The following DDB1 variants were observed in gnomAD, a reference collection of about 807,000 sequenced individuals.
DDB1 encodes damage specific DNA binding protein 1.
In DDB1, 18 loss-of-function variants were observed where a neutral mutation model predicts 133.1. The ratio of observed to expected loss-of-function variants is 0.14; its 90% confidence interval spans 0.09 to 0.20. The LOEUF is 0.20. Ranked by LOEUF, DDB1 falls within the 10% of genes least tolerant of loss-of-function variation. The probability of loss-of-function intolerance (pLI) is 1.00; values close to 1 mark genes in which losing one functional copy is unlikely to be tolerated. For missense variants in DDB1, 828 were observed against 1,459.2 expected (o/e 0.57, Z 7.05); for synonymous variants, 580 against 550.5 (o/e 1.05, Z -0.75).
Position 61,303,034 on chromosome 11 carries a change from G to A in DDB1, c.2942+12C>T. 6.2e-7 allele frequency: 1 copy of A among 1,611,306 alleles called. No individual in the cohort carries two copies. Among genetic ancestry groups the A allele is most frequent in the East Asian group, 2.2e-5 (1 of 44,864 alleles). On this transcript the variant is annotated intron_variant, in intron 23 of 26. Coordinates refer to ENST00000301764, the MANE Select transcript of DDB1 (RefSeq NM_001923.5). ...GCCCTCCCCACCACTCCCAGAGCTG[G>A]CCACTACTCACCTATCCTTTTGACA...
intron 10 of DDB1, among the ~76,000 whole-genome samples, chr11:61,320,767 G>C (rs1856165262): frequency 6.6e-6 from 1 of 152,132 alleles, no homozygotes; most frequent in South Asian, 2.1e-4. Context: ...ATCTGATTAT[G>C]CTGTCCTCAA....
At chr11:61,303,474 G>A in intron 22 of DDB1, 1 of 318,154 alleles carries the variant, frequency 3.1e-6, no homozygotes, top group South Asian at 3.3e-5. Flanking sequence ...CGATTATGAG[G>A]TCAGGAGATC....
At chr11:61,326,675 A>C in intron 5 of DDB1, 104 bp downstream of exon 5, 1 of 876,396 alleles carries the variant, frequency 1.1e-6, no homozygotes, top group East Asian at 2.4e-5. Flanking sequence ...ACCTTCAATA[A>C]TACCGAGCGC....
At position 61,303,854 on chromosome 11, in the gene DDB1, A is replaced by G. The variant is rs1486642841; in HGVS notation, c.2832+11T>C. The G allele has an allele frequency of 3.1e-6, 5 of 1,613,278 alleles. No homozygotes were observed. In the Admixed American group the frequency reaches 8.3e-5, roughly 27 times the overall value. On this transcript the variant is annotated intron_variant, in intron 22 of 26. Coordinates refer to ENST00000301764, the MANE Select transcript of DDB1 (RefSeq NM_001923.5). Reference sequence around the variant, plus strand: ...GCAAGAAGTCTGCTCGCATCCCCCCACCAGCATCACCTCTTCAAAGTTTCC... The same window carrying G: ...GCAAGAAGTCTGCTCGCATCCCCCCGCCAGCATCACCTCTTCAAAGTTTCC...
chr11:61,322,496 C>T (rs1319712064), intron 8 of DDB1, 84 bp from the exon 9 acceptor site: 5 of 985,344 alleles, frequency 5.1e-6, no homozygotes, highest in Non-Finnish European at 4.8e-6. Flanking sequence ...CCAAAAGAAA[C>T]TCTCAATAAC....
At chr11:61,310,914 G>A (rs1222466649) in intron 18 of DDB1, 1 of 152,384 alleles carries the variant, frequency 6.6e-6, no homozygotes, top group Non-Finnish European at 1.5e-5. Context: ...CTGCAGATAA[G>A]AAAACTGAAG....
intron 8 of DDB1, 64 bp downstream of exon 8, chr11:61,322,947 G>A (rs905211542): frequency 4.4e-6 from 6 of 1,352,696 alleles, no homozygotes; most frequent in Admixed American, 2.0e-5. Flanking sequence ...CCAAACATAG[G>A]AGAAATTTGA....
intron 25 of DDB1, 41 bp downstream of exon 25, chr11:61,302,216 G>T: frequency 6.4e-7 from 1 of 1,557,702 alleles, no homozygotes. Context: ...ACATATGCCG[G>T]GATGTGCTTC....
intron 1 of DDB1, chr11:61,332,489 C>G (rs1426306824): frequency 6.1e-6 from 1 of 163,606 alleles, no homozygotes; most frequent in East Asian, 1.7e-4. Context: ...ATAATGCGGG[C>G]ATTCCTCACA....
intron 12 of DDB1, chr11:61,315,993 A>C (rs898583724): frequency 1.9e-5 from 5 of 258,494 alleles, no homozygotes; most frequent in Non-Finnish European, 2.9e-5. Context: ...TAGTGCTAAA[A>C]TAGGATCCGA....
At position 61,302,373 on chromosome 11, in the gene DDB1, G is replaced by T; in HGVS notation, c.3113-14C>A. The T allele has an allele frequency of 6.2e-7, 1 of 1,613,286 alleles. No homozygotes were observed. Among genetic ancestry groups the T allele is most frequent in the Non-Finnish European group, 8.5e-7 (1 of 1,179,252 alleles). ...AGGTCACCAGCCCTGAAGAAGTGAA[G>T]GAGGCAGTGAGCTGCAGAGAGCTCA... On this transcript the variant is annotated splice_polypyrimidine_tract_variant and intron_variant, in intron 24 of 26. Coordinates refer to ENST00000301764, the MANE Select transcript of DDB1 (RefSeq NM_001923.5).
Position 61,323,858 on chromosome 11 carries a change from C to G in DDB1, c.921+121G>C, listed in dbSNP as rs561861915. 1.1e-4 allele frequency: 118 copies of G among 1,115,616 alleles called. 5 individuals are homozygous for G. In the South Asian group the frequency reaches 1.4e-3, roughly 13 times the overall value. The allele number at this position is 1,115,616 out of a possible 1,614,324, so 69.1% of individuals were successfully genotyped here. A position where few individuals can be genotyped will look rare whatever the true frequency, so the allele number is the denominator to read the frequency against. Reference sequence around the variant, plus strand: ...CAACAGTCAACTTCCACAGCAGGAACAACAGTTTGTTGTTAGGTGTTAAGT... The same window carrying G: ...CAACAGTCAACTTCCACAGCAGGAAGAACAGTTTGTTGTTAGGTGTTAAGT... On this transcript the variant is annotated intron_variant, in intron 7 of 26. Transcript: ENST00000301764.
At chr11:61,313,152 T>C (rs1208300679) in intron 16 of DDB1, among the ~76,000 whole-genome samples, 1 of 152,170 alleles carries the variant, frequency 6.6e-6, no homozygotes, top group Non-Finnish European at 1.5e-5. Flanking sequence ...AGTAATGCTG[T>C]AGCTGCTGGT....
At chr11:61,321,776 G>T in intron 9 of DDB1, 79 bp from the exon 10 acceptor site, 1 of 1,242,906 alleles carries the variant, frequency 8.0e-7, no homozygotes, top group Non-Finnish European at 1.2e-6. Flanking sequence ...AAGTAAACAC[G>T]GTATACCTAA....
At chr11:61,329,256 A>G in intron 4 of DDB1, 107 bp downstream of exon 4, 2 of 1,035,152 alleles carry the variant, frequency 1.9e-6, no homozygotes, top group Non-Finnish European at 3.0e-6. Context: ...GGACAAACAC[A>G]TTAAACACTT....
At chr11:61,310,505 C>A in intron 18 of DDB1, 87 bp from the exon 19 acceptor site, 1 of 1,430,162 alleles carries the variant, frequency 7.0e-7, no homozygotes, top group Non-Finnish European at 9.2e-7. Flanking sequence ...CAGATCAGGA[C>A]ACAAAGGCTG....
Position 61,316,366 on chromosome 11 carries a change from T to C in DDB1, c.1329A>G (p.Val443=). 1.2e-6 allele frequency: 2 copies of C among 1,614,178 alleles called. No individual in the cohort carries two copies. Among genetic ancestry groups the C allele is most frequent in the Non-Finnish European group, 1.7e-6 (2 of 1,180,020 alleles). The part of the protein sequence containing the change: ...TRVLMLNGEE[V]EETELMGFVD... The stretch of plus-strand genomic sequence containing the variant: ...CGAAACCCATCAGTTCGGTTTCTTC[T>C]ACCTCCTCTCCATTTAACATGAGAA... The change falls in exon 12 of 27, where the codon GTA becomes GTG. Residue 443 remains valine, a synonymous_variant. Transcript: ENST00000301764.
intron 26 of DDB1, among the ~76,000 whole-genome samples, chr11:61,300,575 G>A (rs1181939379): frequency 1.3e-5 from 2 of 152,210 alleles, no homozygotes; most frequent in African/African-American, 2.4e-5. Context: ...GCTCAAGGAC[G>A]GGGTTAACAT....
Position 61,300,108 on chromosome 11 carries a change from G to T in DDB1, c.*28C>A. 1 of 1,609,854 alleles carries T rather than the reference G, an allele frequency of 6.2e-7. No individual in the cohort carries two copies. Among genetic ancestry groups the T allele is most frequent in the Non-Finnish European group, 8.5e-7 (1 of 1,176,618 alleles). ...GCAGCAGGGCAAAGCCTTTGGGGAG[G>T]GTCAGCAAAGGGGCCCCCTGCCCTT... is the stretch of plus-strand genomic sequence containing the variant. On this transcript the variant is annotated 3_prime_UTR_variant, in exon 27 of 27. Coordinates refer to ENST00000301764, the MANE Select transcript of DDB1 (RefSeq NM_001923.5).
Sources: gnomAD v4.1 joint callset for allele counts (sites outside exome capture counted in the v4.1 genomes callset) on GRCh38, gnomAD v4.1.1 for gene constraint, MANE v1.5 for transcripts, NCBI Gene and HGNC (gene_info 2026-07-23, HGNC 2026-07-21) for gene names.